Variants in LAMA5 observed in about 807,000 individuals in gnomAD.
LAMA5 encodes laminin subunit alpha 5.
Under a neutral mutation model 433.4 loss-of-function variants are expected in LAMA5, and 260 were observed. The observed-to-expected ratio is 0.60, with a 90% CI of 0.54 to 0.66. The LOEUF (loss-of-function observed/expected upper bound fraction) is 0.66. LAMA5 is among the 30% of genes least tolerant of loss of function. The pLI, the probability that LAMA5 is intolerant of heterozygous loss-of-function variation, is 0.00. For missense variants in LAMA5, 5,378 were observed against 5,258.5 expected (o/e 1.02, Z -0.70); for synonymous variants, 2,620 against 2,226.6 (o/e 1.18, Z -4.97).
chr20:62,339,158 TGCAA>T (rs998512270), intron 11 of LAMA5, among the ~76,000 whole-genome samples: 14 of 151,856 alleles, frequency 9.2e-5, no homozygotes, highest in Non-Finnish European at 1.5e-5. Flanking sequence ...CCTAGTTAGC[TGCAA>T]GCATTAACAC....
rs1987365268 is a variant in LAMA5, at chr20:62,319,024, G to C, written c.6872-11C>G. On this transcript the variant is annotated splice_polypyrimidine_tract_variant and intron_variant, in intron 51 of 79. Transcript: ENST00000252999. ...TCTGGGACATGAGCTCTGTGGGGCA[G>C]GGGTTCGTCAGAGCCTGGGGCCGCC... 6.4e-7 allele frequency: 1 copy of C among 1,554,950 alleles called. No homozygotes were observed. Among genetic ancestry groups the C allele is most frequent in the Middle Eastern group, 1.7e-4 (1 of 5,802 alleles).
Position 62,319,707 on chromosome 20 carries a change from C to A in LAMA5, c.6848G>T (p.Arg2283Leu), listed in dbSNP as rs145203663. ...GHAKTLLAAI[R>L]AVDRTLSELM... The stretch of plus-strand genomic sequence containing the variant: ...ACCGCTCAGGGTGCGGTCCACAGCC[C>A]GGATGGCCGCCAACAGCGTCTTCGC... Residue 2283 changes from arginine to leucine, a missense_variant, in exon 51 of 80, where the codon CGG becomes CTG. By Grantham distance (102) the Arg-to-Leu change is moderately radical (BLOSUM62 -2). Transcript: ENST00000252999. 1.3e-6 allele frequency: 2 copies of A among 1,545,344 alleles called. No homozygotes were observed. Among genetic ancestry groups the A allele is most frequent in the African/African-American group, 1.4e-5 (1 of 73,084 alleles).
Position 62,310,024 on chromosome 20 carries a change from A to G in LAMA5, c.10792T>C (p.Ser3598Pro), listed in dbSNP as rs767281831. Residue 3598 changes from serine to proline, a missense_variant, in exon 78 of 80, where the codon TCA becomes CCA. Physicochemically the swap from Ser to Pro is moderately conservative, Grantham distance 74. Transcript: ENST00000252999. ...TGCCACTGGCCATCACACAGCACTGAGGGGCGGGTCACTGACGTGGAGAAC... is the reference window on the plus strand; with the variant it reads ...TGCCACTGGCCATCACACAGCACTGGGGGGCGGGTCACTGACGTGGAGAAC... ...GEFSTSVTRP[S>P]VLCDGQWHRL... 6.2e-6 allele frequency: 10 copies of G among 1,611,266 alleles called. No individual in the cohort carries two copies. Among genetic ancestry groups the G allele is most frequent in the Non-Finnish European group, 7.6e-6 (9 of 1,179,746 alleles).
Position 62,312,969 on chromosome 20 carries a change from C to A in LAMA5, c.8997G>T (p.Val2999=), listed in dbSNP as rs1250773840. 6.3e-7 allele frequency: 1 copy of A among 1,581,862 alleles called. No homozygotes were observed. Among genetic ancestry groups the A allele is most frequent in the Admixed American group, 1.7e-5 (1 of 58,106 alleles). Residue 2999 remains valine (V), a synonymous_variant, in exon 66 of 80, where the codon GTG becomes GTT. Transcript: ENST00000252999. ...LCLAVQEGSL[V]LLYDFGAGLK... is the part of the protein sequence containing the mutation. Reference sequence around the variant, plus strand: ...GGCCAGCCCCAAAGTCATACAACAGCACGAGGCTGCCTTCTTGCACGGCCA... The same window carrying A: ...GGCCAGCCCCAAAGTCATACAACAGAACGAGGCTGCCTTCTTGCACGGCCA...
intron 32 of LAMA5, 114 bp from the exon 33 acceptor site, chr20:62,329,367 A>G: frequency 1.9e-5 from 1 of 51,308 alleles, no homozygotes; most frequent in Non-Finnish European, 3.7e-5. Flanking sequence ...TGGCAGCAGC[A>G]GCCCAGCCCA....
chr20:62,310,476 A>T lies in LAMA5; in HGVS notation c.10543T>A (p.Leu3515Met), dbSNP rs756911223. The change falls in exon 76 of 80, where the codon TTG (leucine) becomes ATG (methionine). Residue 3515 changes from leucine (L) to methionine (M), a missense_variant. Leu to Met is a conservative substitution (Grantham distance 15, BLOSUM62 2). Coordinates refer to ENST00000252999, the MANE Select transcript of LAMA5 (RefSeq NM_005560.6). ...AACAGGCCCGCCTCCAGGGGGCCCA[A>T]GATGCAGGGTGTGACCCCTGCCATC... The part of the protein sequence containing the change: ...TRMAGVTPCI[L>M]GPLEAGLFFP... The T allele has an allele frequency of 6.3e-7, 1 of 1,594,718 alleles. No homozygotes were observed. Among genetic ancestry groups the T allele is most frequent in the Non-Finnish European group, 8.5e-7 (1 of 1,172,684 alleles).
chr20:62,309,811 C>CG lies in LAMA5; in HGVS notation c.10852dup (p.Arg3618ProfsTer33). On this transcript the variant is annotated frameshift_variant, in exon 79 of 80. Transcript: ENST00000252999. LOFTEE classifies it high-confidence loss of function. ...GTTGCTCTGCGCGTCCACCTCCAGC[C>CG]GGAGCACATTCCCGCTTTTCATCAC... 6.2e-7 allele frequency: 1 copy of CG among 1,611,344 alleles called. No individual in the cohort carries two copies. Among genetic ancestry groups the CG allele is most frequent in the Non-Finnish European group, 8.5e-7 (1 of 1,179,474 alleles).
chr20:62,321,748 G>A lies in LAMA5; in HGVS notation c.6496+271C>T, dbSNP rs1459295448. On this transcript the variant is annotated intron_variant, in intron 48 of 79. Coordinates refer to ENST00000252999, the MANE Select transcript of LAMA5 (RefSeq NM_005560.6). The stretch of plus-strand genomic sequence containing the variant: ...GGGTCAGTGGAGGGGTGGGGCCAGT[G>A]GAGGGGTGGGGTCAGTGGGGGAGGA... Among the ~76,000 whole-genome samples, 72 of 138,788 alleles carry A rather than the reference G, an allele frequency of 5.2e-4. 3 individuals are homozygous for A. Among genetic ancestry groups the A allele is most frequent in the East Asian group, 1.9e-3 (9 of 4,772 alleles). The allele number at this position is 138,788 out of a possible 152,430, so 91.1% of individuals were successfully genotyped here. A position where few individuals can be genotyped will look rare whatever the true frequency, so the allele number is the denominator to read the frequency against.
chr20:62,324,535 T>A lies in LAMA5; in HGVS notation c.5549A>T (p.Tyr1850Phe), dbSNP rs368216891. 22 of 1,611,710 alleles carry A rather than the reference T, an allele frequency of 1.4e-5. No individual in the cohort carries two copies. In the African/African-American group the frequency reaches 2.9e-4, roughly 21 times the overall value. The change falls in exon 42 of 80, where the codon TAT becomes TTT. Residue 1850 changes from tyrosine to phenylalanine, a missense_variant. Coordinates refer to ENST00000252999, the MANE Select transcript of LAMA5 (RefSeq NM_005560.6). The surrounding 1 kb of genome is among the most constrained non-coding windows in gnomAD (Gnocchi z 4.4). ...CAGGAAGAGACCTTTGACGTCCCGA[T>A]AGAAGCCGGGGGCACATTCCTGAGG... ...DSCQECAPGF[Y>F]RDVKGLFLGR...
In LAMA5 at chr20:62,334,350, C is replaced by T. The variant is rs373824354; in HGVS notation, c.2583-8G>A. 6.3e-6 allele frequency: 10 copies of T among 1,590,478 alleles called. No homozygotes were observed. Among genetic ancestry groups the T allele is most frequent in the Non-Finnish European group, 8.6e-6 (10 of 1,169,256 alleles). ...TAGTGGTCCCTCGCAGGCCTGGCCA[C>T]AGCAGGGGCTGGTCAGGTGCAGCTT... On this transcript the variant is annotated splice_region_variant and splice_polypyrimidine_tract_variant and intron_variant, in intron 21 of 79. Coordinates refer to ENST00000252999, the MANE Select transcript of LAMA5 (RefSeq NM_005560.6).
At position 62,322,277 on chromosome 20, in the gene LAMA5, C is replaced by T; in HGVS notation, c.6338G>A (p.Gly2113Asp). ...APGYWGLPEQ[G>D]CRRCQCPGGR... ...GACCGGCCAGCACTCACGCCTGCAG[C>T]CCTGCTCAGGGAGCCCCCAGTAGCC... is the stretch of plus-strand genomic sequence containing the variant. Residue 2113 changes from glycine (G) to aspartate (D), a missense_variant, in exon 47 of 80, where the codon GGC becomes GAC. Gly to Asp is a moderately conservative substitution (Grantham distance 94, BLOSUM62 -1). Coordinates refer to ENST00000252999, the MANE Select transcript of LAMA5 (RefSeq NM_005560.6). 6.3e-7 allele frequency: 1 copy of T among 1,596,614 alleles called. No individual in the cohort carries two copies. Among genetic ancestry groups the T allele is most frequent in the Non-Finnish European group, 8.5e-7 (1 of 1,174,600 alleles).
rs1206269921 is a variant in LAMA5, at chr20:62,327,876, C to T, written c.4787G>A (p.Cys1596Tyr). The change falls in exon 36 of 80, where the codon TGC becomes TAC. Residue 1596 changes from cysteine (C) to tyrosine (Y), a missense_variant. Transcript: ENST00000252999. ...PGVCDPLTGQ[C>Y]YCKENVQGPK... Reference sequence around the variant, plus strand: ...CCAGCCCTCACTCACCTTACAGTAGCACTGCCCTGTGAGGGGGTCACACAC... The same window carrying T: ...CCAGCCCTCACTCACCTTACAGTAGTACTGCCCTGTGAGGGGGTCACACAC... The T allele has an allele frequency of 6.2e-6, 10 of 1,608,880 alleles. No individual in the cohort carries two copies. The highest frequency in any genetic ancestry group is 8.5e-6 in the Non-Finnish European group (10 of 1,178,374).
In LAMA5 at chr20:62,310,782, C is replaced by A; in HGVS notation, c.10329G>T (p.Gly3443=). The A allele has an allele frequency of 7.7e-6, 12 of 1,551,724 alleles. No individual in the cohort carries two copies. Among genetic ancestry groups the A allele is most frequent in the Non-Finnish European group, 8.7e-6 (10 of 1,149,192 alleles). The part of the protein sequence containing the change: ...EKNRILLVTD[G]ARAWSQEGPH... ...GCCCCTCCTGGCTCCAGGCCCGGGC[C>A]CCGTCCGTCACCAGCAGGATCCGGT... The change falls in exon 75 of 80, where the codon GGG becomes GGT. Residue 3443 remains glycine, a synonymous_variant. Coordinates refer to ENST00000252999, the MANE Select transcript of LAMA5 (RefSeq NM_005560.6).
rs1986220426 is a variant in LAMA5 at position 62,311,104 on chromosome 20, G to A, written c.10089-10C>T. On this transcript the variant is annotated splice_polypyrimidine_tract_variant and intron_variant, in intron 73 of 79. Transcript: ENST00000252999. ...CATGGAGAGACTGGGCCTGGAAGCG[G>A]AGCTGGCGTCAGCCTGCGCGGCCCC... is the stretch of plus-strand genomic sequence containing the variant. The A allele has an allele frequency of 1.9e-6, 3 of 1,568,764 alleles. No individual in the cohort carries two copies. Among genetic ancestry groups the A allele is most frequent in the Admixed American group, 1.8e-5 (1 of 54,876 alleles).
At chr20:62,334,434 C>G (rs115519871) in intron 21 of LAMA5, 88 bp downstream of exon 21, 1 of 1,514,964 alleles carries the variant, frequency 6.6e-7, no homozygotes, top group Admixed American at 2.0e-5. Flanking sequence ...TGAGGCCTCA[C>G]GTGGGCCCAT....
chr20:62,361,321 C>G (rs1986107173), intron 2 of LAMA5, among the ~76,000 whole-genome samples: 1 of 152,162 alleles, frequency 6.6e-6, no homozygotes, highest in Non-Finnish European at 1.5e-5. Context: ...CTCCCCAGCT[C>G]CCCGCCCTTC....
chr20:62,338,702 CTTACACTT>C (rs1358007817), intron 11 of LAMA5, 94 bp from the exon 12 acceptor site: 3 of 1,285,372 alleles, frequency 2.3e-6, no homozygotes, highest in Admixed American at 2.5e-5. Flanking sequence ...AACTCATTTT[CTTACACTT>C]TTACACAACA....
At chr20:62,330,324 G>A (rs886730811) in intron 31 of LAMA5, among the ~76,000 whole-genome samples, 164 bp downstream of exon 31, 7 of 152,242 alleles carry the variant, frequency 4.6e-5, no homozygotes, top group African/African-American at 1.2e-4. Flanking sequence ...GGGAGCGGGC[G>A]GGTAGGGGCT....
In LAMA5 at chr20:62,325,562, G is replaced by A; in HGVS notation, c.5299-16C>T. ...GGAAGTTCCCCTGTGGGTCCAGGAT[G>A]GCACCTCAGTGGGGCCACACTCAAT... On this transcript the variant is annotated splice_polypyrimidine_tract_variant and intron_variant, in intron 40 of 79. Coordinates refer to ENST00000252999, the MANE Select transcript of LAMA5 (RefSeq NM_005560.6). The A allele has an allele frequency of 6.4e-7, 1 of 1,562,240 alleles. No homozygotes were observed. The highest frequency in any genetic ancestry group is 8.8e-7 in the Non-Finnish European group (1 of 1,139,704).
Sources: allele counts gnomAD v4.1 joint callset (sites outside exome capture counted in the v4.1 genomes callset), GRCh38; gene constraint gnomAD v4.1.1; non-coding constraint Gnocchi (gnomAD v3.1); transcripts MANE v1.5; gene names NCBI Gene and HGNC (gene_info 2026-07-23, HGNC 2026-07-21).